TP63: variants seen among roughly 807,000 people sequenced by gnomAD.
The protein encoded by TP63 is tumor protein p63.
A neutral mutation model predicts 82.8 loss-of-function variants in TP63; 17 were observed. The ratio of observed to expected loss-of-function variants is 0.21; its 90% confidence interval spans 0.14 to 0.31. TP63 has a LOEUF of 0.31. Among genes scored for constraint, TP63 ranks in the 10% least tolerant of loss-of-function variants. TP63 has a pLI of 1.00. For synonymous variants in TP63, 330 were observed against 321.7 expected (o/e 1.03, Z -0.28); for missense variants, 648 against 895.3 (o/e 0.72, Z 3.52).
intron 4 of TP63, among the ~76,000 whole-genome samples, chr3:189,846,019 A>G (rs563721635): frequency 6.6e-6 from 1 of 152,078 alleles, no homozygotes; most frequent in South Asian, 2.1e-4. Flanking sequence ...TGGCACCTCT[A>G]TGCATTGTGA....
At chr3:189,833,077 C>G (rs1290096898) in intron 4 of TP63, among the ~76,000 whole-genome samples, 1 of 152,190 alleles carries the variant, frequency 6.6e-6, no homozygotes, top group Non-Finnish European at 1.5e-5. Flanking sequence ...TTTGCTAAGG[C>G]CTTCTCTCTC....
intron 9 of TP63, among the ~76,000 whole-genome samples, chr3:189,871,337 A>G (rs993400868): frequency 2.6e-5 from 4 of 152,292 alleles, no homozygotes; most frequent in African/African-American, 2.4e-5. Context: ...CTTGCCTTCT[A>G]TTGAGGACAC....
At chr3:189,873,922 T>C (rs1718731496) in intron 10 of TP63, among the ~76,000 whole-genome samples, 1 of 152,180 alleles carries the variant, frequency 6.6e-6, no homozygotes, top group Non-Finnish European at 1.5e-5. Flanking sequence ...TTCAACTTCA[T>C]ACTTTAGGCA....
chr3:189,854,488 C>T (rs1316147553), intron 4 of TP63, among the ~76,000 whole-genome samples: 1 of 152,176 alleles, frequency 6.6e-6, no homozygotes, highest in Non-Finnish European at 1.5e-5. Context: ...CCGTCTTGGC[C>T]TCCCAAAGTG....
At position 189,631,449 on chromosome 3, in the gene TP63, C is replaced by G. The variant is rs1729449503; in HGVS notation, c.-67C>G. 6.2e-7 allele frequency: 1 copy of G among 1,607,750 alleles called. No homozygotes were observed. The highest frequency in any genetic ancestry group is 1.3e-5 in the African/African-American group (1 of 74,638). ...CCTCCCGGCTTTATATCTATATATACACAGGTATATGTGTATATTTTATAT... is the reference window on the plus strand; with the variant it reads ...CCTCCCGGCTTTATATCTATATATAGACAGGTATATGTGTATATTTTATAT... On this transcript the variant is annotated 5_prime_UTR_variant, in exon 1 of 14. Coordinates refer to ENST00000264731, the MANE Select transcript of TP63 (RefSeq NM_003722.5).
chr3:189,877,082 A>T (rs931230705), intron 10 of TP63, among the ~76,000 whole-genome samples: 1 of 152,134 alleles, frequency 6.6e-6, no homozygotes, highest in Admixed American at 6.5e-5. Context: ...TTTTCTTTTT[A>T]AAAAAATTTC....
intron 4 of TP63, among the ~76,000 whole-genome samples, chr3:189,856,980 C>G (rs1384303337): frequency 1.3e-5 from 2 of 152,002 alleles, no homozygotes; most frequent in Non-Finnish European, 2.9e-5. Flanking sequence ...AACACAATCT[C>G]ATGCAAAAAT....
chr3:189,680,515 A>T (rs1007608038), intron 1 of TP63, among the ~76,000 whole-genome samples: 9 of 152,220 alleles, frequency 5.9e-5, no homozygotes, highest in African/African-American at 2.2e-4. Flanking sequence ...CCTGGTGAAC[A>T]CAGACATAAA....
At position 189,701,208 on chromosome 3, in the gene TP63, C is replaced by T. The variant is rs561879919; in HGVS notation, c.63-36532C>T. Among the ~76,000 whole-genome samples, 244 of 151,964 alleles carry T rather than the reference C, an allele frequency of 1.6e-3. 1 individual carries two copies. The highest frequency in any genetic ancestry group is 5.1e-3 in the African/African-American group (210 of 41,422). On this transcript the variant is annotated intron_variant, in intron 1 of 13. Coordinates refer to ENST00000264731, the MANE Select transcript of TP63 (RefSeq NM_003722.5). Reference sequence around the variant, plus strand: ...GTCTCAGATATGTCTTTAATAGCAGCGTGAGAATGGACTAATAGAACTCCA... The same window carrying T: ...GTCTCAGATATGTCTTTAATAGCAGTGTGAGAATGGACTAATAGAACTCCA...
intron 1 of TP63, among the ~76,000 whole-genome samples, chr3:189,732,259 C>A (rs1720225665): frequency 6.6e-6 from 1 of 152,024 alleles, no homozygotes; most frequent in African/African-American, 2.4e-5. Context: ...ATTCCAACTC[C>A]CCTCCACCAC....
At chr3:189,630,306 C>T (rs372256060), upstream of TP63, among the ~76,000 whole-genome samples, 1 of 151,842 alleles carries the variant, frequency 6.6e-6, no homozygotes, top group Non-Finnish European at 1.5e-5. Flanking sequence ...GTTTTTTTTC[C>T]CCCTGTTGGA....
At chr3:189,721,129 G>A (rs1170379798) in intron 1 of TP63, among the ~76,000 whole-genome samples, 1 of 152,210 alleles carries the variant, frequency 6.6e-6, no homozygotes, top group African/African-American at 2.4e-5. Flanking sequence ...TGGTGCAGTA[G>A]GAAGTTTGAA....
chr3:189,741,216 A>AC (rs1331319518), intron 3 of TP63, among the ~76,000 whole-genome samples: 113 of 135,994 alleles, frequency 8.3e-4, no homozygotes, highest in African/African-American at 2.9e-3. Flanking sequence ...AAAAAAAAAA[A>AC]ACCCTGAGAT....
chr3:189,875,589 C>A (rs372747898), intron 10 of TP63, among the ~76,000 whole-genome samples: 1 of 44,424 alleles, frequency 2.3e-5, no homozygotes, highest in African/African-American at 1.1e-4. Context: ...AAAAAAAATA[C>A]ATACATATAT....
chr3:189,640,625 G>T (rs1711766344), intron 1 of TP63, among the ~76,000 whole-genome samples: 1 of 152,182 alleles, frequency 6.6e-6, no homozygotes, highest in Middle Eastern at 3.4e-3. Context: ...GATATGCAAG[G>T]TGCCAGCCTA....
intron 1 of TP63, among the ~76,000 whole-genome samples, chr3:189,638,139 T>G (rs1351282034): frequency 6.6e-6 from 1 of 152,160 alleles, no homozygotes; most frequent in Non-Finnish European, 1.5e-5. Flanking sequence ...TGTGCTAGTT[T>G]AAGCCACTAA....
At chr3:189,677,784 G>A (rs1160910910) in intron 1 of TP63, among the ~76,000 whole-genome samples, 1 of 151,992 alleles carries the variant, frequency 6.6e-6, no homozygotes, top group South Asian at 2.1e-4. Flanking sequence ...TTTAAAAATA[G>A]CCATTCTGAC....
rs1716955543 is a variant in TP63 at position 189,691,806 on chromosome 3, CTGTTGT to C, written c.63-45932_63-45927del. Among the ~76,000 whole-genome samples, 4 of 152,018 alleles carry C rather than the reference CTGTTGT, an allele frequency of 2.6e-5. No individual in the cohort carries two copies. The South Asian group carries it at 8.3e-4, about 32-fold the overall frequency. On this transcript the variant is annotated intron_variant, in intron 1 of 13. Coordinates refer to ENST00000264731, the MANE Select transcript of TP63 (RefSeq NM_003722.5). ...TTTTCTGTTGTTGTCCTTTGGGTTT[CTGTTGT>C]TATTTACTATAGAAATAGGCCAGTT...
chr3:189,694,925 C>T (rs1368186843), intron 1 of TP63, among the ~76,000 whole-genome samples: 1 of 148,134 alleles, frequency 6.8e-6, no homozygotes, highest in Admixed American at 6.9e-5. Flanking sequence ...CCTGCCTCAG[C>T]CTCCTGAGTA....
Sources: gnomAD v4.1 joint callset for allele counts (sites outside exome capture counted in the v4.1 genomes callset) on GRCh38, gnomAD v4.1.1 for gene constraint, MANE v1.5 for transcripts, NCBI Gene and HGNC (gene_info 2026-07-23, HGNC 2026-07-21) for gene names.